WIZ: variants seen among roughly 807,000 people sequenced by gnomAD.
WIZ encodes the protein WIZ zinc finger.
Under a neutral mutation model 140.2 loss-of-function variants are expected in WIZ, and 25 were observed. The observed-to-expected ratio is 0.18, with a 90% CI of 0.13 to 0.25. The LOEUF is 0.25. Among genes scored for constraint, WIZ ranks in the 10% least tolerant of loss-of-function variants. The pLI, the probability that WIZ is intolerant of heterozygous loss-of-function variation, is 1.00. For missense variants in WIZ, 2,231 were observed against 2,632.6 expected (o/e 0.85, Z 3.34); for synonymous variants, 1,125 against 1,154.3 (o/e 0.97, Z 0.51).
Position 15,424,329 on chromosome 19 carries a change from TC to T in WIZ, c.5363del (p.Gly1788GlufsTer77). On this transcript the variant is annotated frameshift_variant, in exon 12 of 13. Coordinates refer to ENST00000673675, the MANE Select transcript of WIZ (RefSeq NM_001371589.1). LOFTEE classifies it high-confidence loss of function. This position sits in a 1 kb window ranked among gnomAD's most constrained non-coding sequence, Gnocchi z 9.7. ...GCTGTAGGTCATTGGTGTCCTCGCCTCCCCGGGCTGCGGAGGCATCTGGAGG... is the reference window on the plus strand; with the variant it reads ...GCTGTAGGTCATTGGTGTCCTCGCCTCCCGGGCTGCGGAGGCATCTGGAGG... ...ARPPDASAAR[G>X]GEDTNDLQQK... The T allele has an allele frequency of 6.2e-7, 1 of 1,604,116 alleles. No individual in the cohort carries two copies. Among genetic ancestry groups the T allele is most frequent in the African/African-American group, 1.4e-5 (1 of 74,046 alleles).
intron 1 of WIZ, 117 bp from the exon 2 acceptor site, chr19:15,448,484 C>T (rs1969997215): frequency 2.6e-6 from 2 of 764,004 alleles, no homozygotes; most frequent in Admixed American, 2.8e-5. Context: ...GTTTACCTCC[C>T]AGCCCAGGGG....
chr19:15,434,435 C>G (rs561109477), intron 5 of WIZ, among the ~76,000 whole-genome samples: 1 of 151,314 alleles, frequency 6.6e-6, no homozygotes, highest in South Asian at 2.1e-4. Context: ...TGGTGGCAGG[C>G]ACCTGTAGTC....
At chr19:15,445,818 C>T (rs1182467451) in intron 2 of WIZ, among the ~76,000 whole-genome samples, 1 of 152,076 alleles carries the variant, frequency 6.6e-6, no homozygotes, top group Non-Finnish European at 1.5e-5. Flanking sequence ...CACACCCCTG[C>T]CCAGGCAGGG....
rs559183200 is a variant in WIZ, at chr19:15,428,557, C to T, written c.3416-49G>A. ...GGTTCACGGCCGCCACCTTGGCCGG[C>T]CTTGGGGGCCTGAGGTAGGAGGGTC... On this transcript the variant is annotated intron_variant, in intron 7 of 12. Transcript: ENST00000673675. This position sits in a 1 kb window ranked among gnomAD's most constrained non-coding sequence, Gnocchi z 6.4. 6.5e-7 allele frequency: 1 copy of T among 1,534,596 alleles called. No individual in the cohort carries two copies. Among genetic ancestry groups the T allele is most frequent in the East Asian group, 2.4e-5 (1 of 40,860 alleles).
chr19:15,433,235 G>T (rs1969382609), intron 5 of WIZ: 1 of 984,924 alleles, frequency 1.0e-6, no homozygotes, highest in Non-Finnish European at 1.2e-6. Flanking sequence ...GTGCCGTTCC[G>T]CAGACCTAGG....
chr19:15,445,448 G>A (rs1376819423), intron 2 of WIZ, among the ~76,000 whole-genome samples: 1 of 152,190 alleles, frequency 6.6e-6, no homozygotes, highest in Non-Finnish European at 1.5e-5. Context: ...ATCCAGAGAA[G>A]TGGCGGTGGA....
chr19:15,429,571 G>T lies in WIZ; in HGVS notation c.3415+15C>A. ...AGCGCCAGAACCTCCCTCGGCTCTT[G>T]GGACCCACACTCACTGAGGTTCAAG... On this transcript the variant is annotated intron_variant, in intron 7 of 12. Coordinates refer to ENST00000673675, the MANE Select transcript of WIZ (RefSeq NM_001371589.1). 7.5e-7 allele frequency: 1 copy of T among 1,340,296 alleles called. No individual in the cohort carries two copies. Among genetic ancestry groups the T allele is most frequent in the African/African-American group, 1.5e-5 (1 of 67,014 alleles). 83.0% of individuals were successfully genotyped at this position (1,340,296 alleles called of 1,614,324 possible).
In WIZ at chr19:15,425,489, A is replaced by G; in HGVS notation, c.4646T>C (p.Leu1549Pro). ...TVAPGPVQSP[L>P]PLSPLAGRPG... ...CCGGCCAGCCAGGGGCGACAGCGGC[A>G]GTGGGGACTGCACGGGCCCAGGGGC... The change falls in exon 10 of 13, where the codon CTG becomes CCG. Residue 1549 changes from leucine (L) to proline (P), a missense_variant. By Grantham distance (98) the Leu-to-Pro change is moderately conservative (BLOSUM62 -3). Transcript: ENST00000673675. The G allele has an allele frequency of 6.2e-7, 1 of 1,608,588 alleles. No homozygotes were observed. Among genetic ancestry groups the G allele is most frequent in the Non-Finnish European group, 8.5e-7 (1 of 1,177,834 alleles).
intron 1 of WIZ, among the ~76,000 whole-genome samples, chr19:15,449,263 G>A (rs1208282138): frequency 3.9e-5 from 6 of 152,048 alleles, no homozygotes; most frequent in African/African-American, 1.4e-4. Context: ...GCGGGGCCGG[G>A]GCGCCAGGCC....
At chr19:15,426,547 C>G (rs1968833422) in intron 9 of WIZ, among the ~76,000 whole-genome samples, 1 of 152,206 alleles carries the variant, frequency 6.6e-6, no homozygotes, top group Non-Finnish European at 1.5e-5. Flanking sequence ...TGTGGAGGAA[C>G]AGAGATCTTA....
chr19:15,425,642 A>G lies in WIZ; in HGVS notation c.4493T>C (p.Val1498Ala). Residue 1498 changes from valine to alanine, a missense_variant, in exon 10 of 13, where the codon GTC becomes GCC. Physicochemically the swap from Val to Ala is moderately conservative, Grantham distance 64 (BLOSUM62 0). Coordinates refer to ENST00000673675, the MANE Select transcript of WIZ (RefSeq NM_001371589.1). ...CAGTGTGTCGATGGGCGAACCATTG[A>G]CGGACCACTCGGTCACACCCATCTG... ...LRQMGVTEWS[V>A]NGSPIDTLRE... 3 of 1,613,396 alleles carry G rather than the reference A, an allele frequency of 1.9e-6. No homozygotes were observed. Among genetic ancestry groups the G allele is most frequent in the South Asian group, 2.2e-5 (2 of 91,038 alleles).
rs1252967481 is a variant in WIZ, at chr19:15,423,067, G to A, written c.*9C>T. ...GGTGGCACGAGAGGGGATCTGGAAT[G>A]CTTTTGTGTTAGGGAGCCTCTGCCG... is the stretch of plus-strand genomic sequence containing the variant. On this transcript the variant is annotated 3_prime_UTR_variant, in exon 13 of 13. Coordinates refer to ENST00000673675, the MANE Select transcript of WIZ (RefSeq NM_001371589.1). 2 of 1,610,602 alleles carry A rather than the reference G, an allele frequency of 1.2e-6. No homozygotes were observed. Among genetic ancestry groups the A allele is most frequent in the Non-Finnish European group, 1.7e-6 (2 of 1,179,106 alleles).
rs1001688354 is a variant in WIZ, at chr19:15,429,744, G to T, written c.3257C>A (p.Pro1086His). 73 of 1,483,506 alleles carry T rather than the reference G, an allele frequency of 4.9e-5. No individual in the cohort carries two copies. The highest frequency in any genetic ancestry group is 6.4e-5 in the Non-Finnish European group (72 of 1,119,826). 91.9% of individuals were successfully genotyped at this position (1,483,506 alleles called of 1,614,324 possible). ...GFSAKGLGHP[P>H]SSPLLKKTPL... ...TGTCTTTTTGAGGAGTGGAGAGCTG[G>T]GCGGGTGGCCCAGGCCCTTGGCCGA... The change falls in exon 7 of 13, where the codon CCC becomes CAC. Residue 1086 changes from proline to histidine, a missense_variant. Physicochemically the swap from Pro to His is moderately conservative, Grantham distance 77. Transcript: ENST00000673675.
intron 6 of WIZ, 81 bp from the exon 7 acceptor site, chr19:15,430,170 C>G: frequency 1.4e-6 from 2 of 1,433,988 alleles, no homozygotes; most frequent in Non-Finnish European, 1.8e-6. Context: ...CCTGAGAGTC[C>G]CACTCACCCA....
chr19:15,433,208 C>A, intron 5 of WIZ: 1 of 972,648 alleles, frequency 1.0e-6, no homozygotes, highest in South Asian at 4.8e-5. Context: ...ATCCTGTTAT[C>A]CAACCGTCCC....
chr19:15,438,955 C>T lies in WIZ; in HGVS notation c.2039G>A (p.Gly680Glu). 6.9e-7 allele frequency: 1 copy of T among 1,450,892 alleles called. No homozygotes were observed. Among genetic ancestry groups the T allele is most frequent in the Non-Finnish European group, 9.1e-7 (1 of 1,104,336 alleles). 89.9% of individuals were successfully genotyped at this position (1,450,892 alleles called of 1,614,324 possible). A position where few individuals can be genotyped will look rare whatever the true frequency, so the allele number is the denominator to read the frequency against. ...ATQGQQQQLR[G>E]MVPIVLVAKL... Reference sequence around the variant, plus strand: ...CGCCACGAGCACAATGGGTACCATCCCTCGGAGCTGCTGCTGCTGCCCCTG... The same window carrying T: ...CGCCACGAGCACAATGGGTACCATCTCTCGGAGCTGCTGCTGCTGCCCCTG... The change falls in exon 4 of 13, where the codon GGG (glycine) becomes GAG (glutamate). Residue 680 changes from glycine (G) to glutamate (E), a missense_variant. Gly to Glu is a moderately conservative substitution (Grantham distance 98). This residue lies in a region of WIZ where 475 missense variants were observed against 520.2 expected (regional missense o/e 0.91). Coordinates refer to ENST00000673675, the MANE Select transcript of WIZ (RefSeq NM_001371589.1).
Position 15,421,630 on chromosome 19 carries a change from A to G in WIZ, c.*1446T>C, listed in dbSNP as rs1968375127. 2 of 152,210 alleles carry G rather than the reference A, an allele frequency of 1.3e-5. No individual in the cohort carries two copies. Among genetic ancestry groups the G allele is most frequent in the Admixed American group, 6.5e-5 (1 of 15,280 alleles). The allele number at this position is 152,210 out of a possible 1,614,324, so 9.4% of individuals were successfully genotyped here. A position where few individuals can be genotyped will look rare whatever the true frequency, so the allele number is the denominator to read the frequency against. On this transcript the variant is annotated 3_prime_UTR_variant, in exon 13 of 13. Transcript: ENST00000673675. ...AGCCAGTGGCTCCTCTTTTCCCCGC[A>G]TGTTCCTTGGGTCAGGGGTGCATGT...
chr19:15,443,838 C>G (rs1409306858), intron 2 of WIZ, among the ~76,000 whole-genome samples: 1 of 152,172 alleles, frequency 6.6e-6, no homozygotes, highest in Non-Finnish European at 1.5e-5. Flanking sequence ...CTGCAGAGAG[C>G]CCATCCCTGC....
At chr19:15,447,633 AG>A (rs1274463780) in intron 2 of WIZ, among the ~76,000 whole-genome samples, 1 of 152,218 alleles carries the variant, frequency 6.6e-6, no homozygotes, top group African/African-American at 2.4e-5. Flanking sequence ...GGGTAAACCA[AG>A]GGGTAGCCAG....
Sources: allele counts gnomAD v4.1 joint callset (sites outside exome capture counted in the v4.1 genomes callset), GRCh38; gene constraint gnomAD v4.1.1; regional missense constraint gnomAD v4.1.1; non-coding constraint Gnocchi (gnomAD v3.1); transcripts MANE v1.5; gene names NCBI Gene and HGNC (gene_info 2026-07-23, HGNC 2026-07-21).